Variants in F12 observed in about 807,000 individuals in gnomAD.
The protein encoded by F12 is coagulation factor XII.
F12 carries 70 observed loss-of-function variants against 74.8 expected under a neutral mutation model. That is an observed-to-expected ratio of 0.94 (90% CI 0.77 to 1.14). The LOEUF (loss-of-function observed/expected upper bound fraction) is 1.14. Among genes scored for constraint, F12 ranks in the 50% most tolerant of loss-of-function variants. F12 has a pLI of 0.00. For synonymous variants in F12, 373 were observed against 356.4 expected (o/e 1.05, Z -0.52); for missense variants, 811 against 835.7 (o/e 0.97, Z 0.36).
intron 12 of F12, 108 bp from the exon 13 acceptor site, chr5:177,402,806 C>CT: frequency 6.7e-7 from 1 of 1,493,500 alleles, no homozygotes; most frequent in Non-Finnish European, 9.1e-7. Context: ...CCCTTCCTCT[C>CT]TCGCAGCAAG....
intron 1 of F12, 137 bp from the exon 2 acceptor site, chr5:177,409,240 C>G (rs1763352511): frequency 4.8e-6 from 5 of 1,035,482 alleles, no homozygotes; most frequent in Non-Finnish European, 7.3e-6. Flanking sequence ...TCTACCTCCC[C>G]CCGTTGTCTT....
At position 177,404,911 on chromosome 5, in the gene F12, C is replaced by A; in HGVS notation, c.533G>T (p.Cys178Phe). ...CCCATGGAGGCACGGGTTGGTGCGG[C>A]AGGCTTGGGGAGGGAACGCAGTGAG... ...AHCQRLASQA[C>F]RTNPCLHGGR... Residue 178 changes from cysteine (C) to phenylalanine (F), a missense_variant, in exon 7 of 14, where the codon TGC (cysteine) becomes TTC (phenylalanine). By Grantham distance (205) the Cys-to-Phe change is radical. Transcript: ENST00000253496. 2 of 1,602,720 alleles carry A rather than the reference C, an allele frequency of 1.2e-6. No individual in the cohort carries two copies. Among genetic ancestry groups the A allele is most frequent in the Non-Finnish European group, 8.5e-7 (1 of 1,176,994 alleles).
In F12 at chr5:177,402,536, G is replaced by A; in HGVS notation, c.1680+14C>T. 9 of 1,608,510 alleles carry A rather than the reference G, an allele frequency of 5.6e-6. No homozygotes were observed. Among genetic ancestry groups the A allele is most frequent in the Non-Finnish European group, 7.6e-6 (9 of 1,177,966 alleles). On this transcript the variant is annotated intron_variant, in intron 13 of 13. Coordinates refer to ENST00000253496, the MANE Select transcript of F12 (RefSeq NM_000505.4). ...CGGCCTCGGGGAAGGGCGCCAACCG[G>A]GCTAAGAGCTCACCTGGCACGCATC...
chr5:177,404,100 A>G lies in F12; in HGVS notation c.1019-10T>C, dbSNP rs1763219087. The G allele has an allele frequency of 1.9e-6, 3 of 1,601,440 alleles. No individual in the cohort carries two copies. The highest frequency in any genetic ancestry group is 1.7e-5 in the Admixed American group (1 of 59,050). ...CGCTTCGCCGGCAAGGCTGTGGAGG[A>G]GCAGGGGCTGAGGACGGAGAGCCCG... is the stretch of plus-strand genomic sequence containing the variant. On this transcript the variant is annotated splice_polypyrimidine_tract_variant and intron_variant, in intron 9 of 13. Coordinates refer to ENST00000253496, the MANE Select transcript of F12 (RefSeq NM_000505.4).
chr5:177,405,424 C>G lies in F12; in HGVS notation c.296G>C (p.Ser99Thr), dbSNP rs529435077. 1.7e-5 allele frequency: 28 copies of G among 1,613,144 alleles called. No individual in the cohort carries two copies. The Admixed American group carries it at 4.0e-4, about 23-fold the overall frequency. The change falls in exon 5 of 14, where the codon AGC becomes ACC. Residue 99 changes from serine to threonine, a missense_variant. Coordinates refer to ENST00000253496, the MANE Select transcript of F12 (RefSeq NM_000505.4). ...TCCTTTCTGGCAGGGGCTGTGTTTG[C>G]TGCAGTGGTCTGAGAGATGGACATG... is the stretch of plus-strand genomic sequence containing the variant. ...LEPKKVKDHC[S>T]KHSPCQKGGT...
chr5:177,405,895 T>C (rs1190480512), intron 3 of F12, 67 bp downstream of exon 3: 31 of 1,602,084 alleles, frequency 1.9e-5, no homozygotes, highest in Non-Finnish European at 2.7e-5. Flanking sequence ...CAGAGTTCCT[T>C]GGACAGAAGG....
At chr5:177,402,528 G>T in intron 13 of F12, 22 bp downstream of exon 13, 1 of 1,605,376 alleles carries the variant, frequency 6.2e-7, no homozygotes, top group Non-Finnish European at 8.5e-7. Flanking sequence ...GGGGAAGGGC[G>T]CCAACCGGGC....
chr5:177,403,307 C>CGCTTGGCCAA lies in F12; in HGVS notation c.1477_1478insTTGGCCAAGC (p.Arg493LeufsTer73). On this transcript the variant is annotated frameshift_variant, in exon 12 of 14. Transcript: ENST00000253496. LOFTEE classifies it high-confidence loss of function. Reference sequence around the variant, plus strand: ...CTGGCAGAGCGTGGTCTCGGAGGGTCGCGCGGCGCCGCTTGGCAGGCACAC... The same window carrying CGCTTGGCCAA: ...CTGGCAGAGCGTGGTCTCGGAGGGTCGCTTGGCCAAGCGCGGCGCCGCTTGGCAGGCACAC... 1 of 1,599,552 alleles carries CGCTTGGCCAA rather than the reference C, an allele frequency of 6.3e-7. No individual in the cohort carries two copies. Among genetic ancestry groups the CGCTTGGCCAA allele is most frequent in the Non-Finnish European group, 8.5e-7 (1 of 1,179,776 alleles).
At chr5:177,402,833 T>C in intron 12 of F12, 135 bp from the exon 13 acceptor site, 1 of 1,259,810 alleles carries the variant, frequency 7.9e-7, no homozygotes, top group South Asian at 1.3e-5. Flanking sequence ...GGGGAGGAGG[T>C]GCCATTAATT....
intron 1 of F12, 63 bp from the exon 2 acceptor site, chr5:177,409,166 C>G: frequency 6.7e-7 from 1 of 1,493,104 alleles, no homozygotes. Context: ...CGATCTGTTG[C>G]TAGTCTGCAG....
Position 177,403,626 on chromosome 5 carries a change from G to GT in F12, c.1251-10_1251-9insA, listed in dbSNP as rs1763201260. On this transcript the variant is annotated splice_polypyrimidine_tract_variant and intron_variant, in intron 10 of 13. Transcript: ENST00000253496. The stretch of plus-strand genomic sequence containing the variant: ...GATCCTCGGGTGCGGGCCTGCGGGG[G>GT]GGGTAGGGGAGAGGCAGCGCTCTCA... 1 of 1,600,638 alleles carries GT rather than the reference G, an allele frequency of 6.2e-7. No homozygotes were observed. Among genetic ancestry groups the GT allele is most frequent in the African/African-American group, 1.3e-5 (1 of 74,874 alleles).
Position 177,402,208 on chromosome 5 carries a change from A to C in F12, c.*84T>G. 1 of 1,552,804 alleles carries C rather than the reference A, an allele frequency of 6.4e-7. No individual in the cohort carries two copies. Among genetic ancestry groups the C allele is most frequent in the Non-Finnish European group, 8.8e-7 (1 of 1,139,128 alleles). On this transcript the variant is annotated 3_prime_UTR_variant, in exon 14 of 14. Transcript: ENST00000253496. ...GGCGCGGAGCTGGCCGCACTGGGGG[A>C]ATGGGACACAATCTTGCCTTCCATG... is the stretch of plus-strand genomic sequence containing the variant.
Position 177,402,677 on chromosome 5 carries a change from A to C in F12, c.1553T>G (p.Phe518Cys). The C allele has an allele frequency of 1.2e-6, 2 of 1,612,114 alleles. No individual in the cohort carries two copies. Among genetic ancestry groups the C allele is most frequent in the Non-Finnish European group, 1.7e-6 (2 of 1,179,996 alleles). The change falls in exon 13 of 14, where the codon TTC (phenylalanine) becomes TGC (cysteine). Residue 518 changes from phenylalanine to cysteine, a missense_variant. Phe to Cys is a radical substitution (Grantham distance 205). Transcript: ENST00000253496. ...QFEGAEEYAS[F>C]LQEAQVPFLS... ...GAACGGTACCTGCGCCTCCTGCAGGAAGCTGGCATATTCCTCCGCCCCTGC... is the reference window on the plus strand; with the variant it reads ...GAACGGTACCTGCGCCTCCTGCAGGCAGCTGGCATATTCCTCCGCCCCTGC...
intron 2 of F12, among the ~76,000 whole-genome samples, chr5:177,407,285 C>T (rs752741227): frequency 1.1e-4 from 16 of 152,246 alleles, no homozygotes; most frequent in African/African-American, 3.4e-4. Flanking sequence ...ATAACCATCG[C>T]GAATAATGAG....
At position 177,404,675 on chromosome 5, in the gene F12, A is replaced by C. The variant is rs765775892; in HGVS notation, c.635-11T>G. 21 of 1,606,548 alleles carry C rather than the reference A, an allele frequency of 1.3e-5. No homozygotes were observed. The Admixed American group carries it at 1.8e-4, about 14-fold the overall frequency. On this transcript the variant is annotated splice_polypyrimidine_tract_variant and intron_variant, in intron 7 of 13. Transcript: ENST00000253496. The stretch of plus-strand genomic sequence containing the variant: ...AGCTTGCCTTGGTGTCTGAGGAGAA[A>C]GGGGGCTCCCTGGGCAGCCAAGGCT...
intron 1 of F12, 67 bp downstream of exon 1, chr5:177,409,404 G>A: frequency 1.3e-6 from 2 of 1,560,542 alleles, no homozygotes; most frequent in South Asian, 1.1e-5. Context: ...CAGAGGCCAT[G>A]GCTCATGGCT....
At chr5:177,402,731 T>C (rs1477527190) in intron 12 of F12, 33 bp from the exon 13 acceptor site, 5 of 1,609,416 alleles carry the variant, frequency 3.1e-6, no homozygotes, top group Non-Finnish European at 4.2e-6. Flanking sequence ...TCACACCCCA[T>C]CTGACAACGC....
intron 2 of F12, 62 bp from the exon 3 acceptor site, chr5:177,406,123 T>C (rs1254959276): frequency 1.4e-6 from 2 of 1,436,052 alleles, no homozygotes; most frequent in African/African-American, 1.4e-5. Flanking sequence ...GCACTGTCCC[T>C]CAGGGTCTGG....
chr5:177,404,084 G>A lies in F12; in HGVS notation c.1025C>T (p.Pro342Leu), dbSNP rs2230939. Residue 342 changes from proline (P) to leucine (L), a missense_variant, in exon 10 of 14, where the codon CCG becomes CTG. By Grantham distance (98) the Pro-to-Leu change is moderately conservative. Coordinates refer to ENST00000253496, the MANE Select transcript of F12 (RefSeq NM_000505.4). ...GGAAGGCGGCTGCTCCCGCTTCGCC[G>A]GCAAGGCTGTGGAGGAGCAGGGGCT... ...PPQSQTPGALPAKREQPPSLT... is the reference protein window; with the variant it reads ...PPQSQTPGALLAKREQPPSLT... 9.9e-4 allele frequency: 1,589 copies of A among 1,602,298 alleles called. 1 individual carries two copies. Among genetic ancestry groups the A allele is most frequent in the Non-Finnish European group, 1.2e-3 (1,424 of 1,178,594 alleles).
Sources: allele counts gnomAD v4.1 joint callset (sites outside exome capture counted in the v4.1 genomes callset), GRCh38; gene constraint gnomAD v4.1.1; transcripts MANE v1.5; gene names NCBI Gene and HGNC (gene_info 2026-07-23, HGNC 2026-07-21).